Variants in QSER1 observed in about 807,000 individuals in gnomAD.
QSER1 encodes the protein glutamine and serine rich 1, also known as glutamine and serine-rich protein 1.
Under a neutral mutation model 158.5 loss-of-function variants are expected in QSER1, and 49 were observed. The ratio of observed to expected loss-of-function variants is 0.31; its 90% confidence interval spans 0.25 to 0.39. QSER1 has a LOEUF of 0.39. Among genes scored for constraint, QSER1 ranks in the 10% least tolerant of loss-of-function variants. The pLI, the probability that QSER1 is intolerant of heterozygous loss-of-function variation, is 1.00. For synonymous variants in QSER1, 650 were observed against 715.5 expected, an observed-to-expected ratio of 0.91 and a Z score of 1.46; for missense variants, 1,754 against 2,010.3, an observed-to-expected ratio of 0.87 and a Z score of 2.44.
chr11:32,952,810 T>TC (rs1399899500), intron 4 of QSER1, among the ~76,000 whole-genome samples: 1 of 151,434 alleles, frequency 6.6e-6, no homozygotes, highest in Non-Finnish European at 1.5e-5. Flanking sequence ...AGTCTTTTTT[T>TC]TTTTTTTTTT....
chr11:32,912,564 A>G (rs1851780511), intron 1 of QSER1, among the ~76,000 whole-genome samples: 1 of 152,100 alleles, frequency 6.6e-6, no homozygotes, highest in African/African-American at 2.4e-5. Flanking sequence ...CTGGATGTAT[A>G]TAGTTTGAAA....
intron 1 of QSER1, among the ~76,000 whole-genome samples, chr11:32,910,504 A>C (rs779639230): frequency 7.2e-5 from 11 of 152,214 alleles, no homozygotes; most frequent in Non-Finnish European, 1.5e-4. Context: ...TTGGCTAGAC[A>C]CTTGTATGCG....
chr11:32,970,213 G>C (rs1852826753), intron 10 of QSER1, among the ~76,000 whole-genome samples: 1 of 152,164 alleles, frequency 6.6e-6, no homozygotes. Context: ...ATGTAAAAGT[G>C]AGTATTGACT....
At position 32,954,166 on chromosome 11, in the gene QSER1, T is replaced by G; in HGVS notation, c.4487T>G (p.Ile1496Arg). The G allele has an allele frequency of 8.7e-6, 14 of 1,612,656 alleles. No homozygotes were observed. Among genetic ancestry groups the G allele is most frequent in the Non-Finnish European group, 1.1e-5 (13 of 1,179,666 alleles). The stretch of plus-strand genomic sequence containing the variant: ...GAATTTGTGGTAAAGATAGAAGACA[T>G]AGAGACTTTTAAGGTGATGTCAGTG... The part of the protein sequence containing the change: ...RDEFVVKIED[I>R]ETFKEALKTG... Residue 1496 changes from isoleucine to arginine, a missense_variant, in exon 5 of 13, where the codon ATA (isoleucine) becomes AGA (arginine). Around this residue, in one of 2 missense-constraint regions of QSER1, gnomAD observed 1,707 missense variants for 1,919.6 expected, o/e 0.89. Transcript: ENST00000650167.
At chr11:32,906,727 T>A (rs1165079846) in intron 1 of QSER1, among the ~76,000 whole-genome samples, 1 of 152,094 alleles carries the variant, frequency 6.6e-6, no homozygotes, top group East Asian at 1.9e-4. Context: ...ACAACACTTG[T>A]ACAGAAAATT....
At chr11:32,940,950 C>T (rs1243653472) in intron 4 of QSER1, among the ~76,000 whole-genome samples, 5 of 150,974 alleles carry the variant, frequency 3.3e-5, no homozygotes, top group Non-Finnish European at 7.4e-5. Context: ...CCCTTTATTC[C>T]TTGGGTATAA....
intron 4 of QSER1, among the ~76,000 whole-genome samples, chr11:32,947,370 T>G (rs974597337): frequency 6.6e-6 from 1 of 152,226 alleles, no homozygotes. Flanking sequence ...TTATAGATAT[T>G]CCACTTTTTA....
chr11:32,925,494 T>TTTTATTTATTTATTTATTTA (rs374397828), intron 1 of QSER1, among the ~76,000 whole-genome samples: 1 of 143,568 alleles, frequency 7.0e-6, no homozygotes, highest in Non-Finnish European at 1.5e-5. Context: ...TACATCGCTT[T>TTTTATTTATTTATTTATTTA]TTTATTTATT....
intron 8 of QSER1, among the ~76,000 whole-genome samples, chr11:32,963,725 G>A (rs974361818): frequency 1.3e-5 from 2 of 152,152 alleles, no homozygotes; most frequent in Non-Finnish European, 2.9e-5. Context: ...AGTGCATGGT[G>A]TAATCATAAT....
rs1277296841 is a variant in QSER1, at chr11:32,979,640, TTC to T, written c.*3168_*3169del. The stretch of plus-strand genomic sequence containing the variant: ...ATTACTTTGAAAATTCTAAACTTCT[TTC>T]TGTTTCCAAAACTTGAAAATATGTA... On this transcript the variant is annotated 3_prime_UTR_variant, in exon 13 of 13. Coordinates refer to ENST00000650167, the MANE Select transcript of QSER1 (RefSeq NM_001076786.3). 5 of 152,152 alleles carry T rather than the reference TTC, an allele frequency of 3.3e-5. No homozygotes were observed. Among genetic ancestry groups the T allele is most frequent in the South Asian group, 2.1e-4 (1 of 4,788 alleles). 9.4% of individuals were successfully genotyped at this position (152,152 alleles called of 1,614,324 possible). A position where few individuals can be genotyped will look rare whatever the true frequency, so the allele number is the denominator to read the frequency against.
intron 1 of QSER1, among the ~76,000 whole-genome samples, chr11:32,920,422 C>T (rs555076173): frequency 2.7e-4 from 41 of 152,156 alleles, no homozygotes; most frequent in African/African-American, 9.4e-4. Context: ...CTAAAAAACT[C>T]TTAGAGAAAA....
chr11:32,958,657 C>T lies in QSER1; in HGVS notation c.4969+571C>T, dbSNP rs1221055380. On this transcript the variant is annotated intron_variant, in intron 8 of 12. Coordinates refer to ENST00000650167, the MANE Select transcript of QSER1 (RefSeq NM_001076786.3). The stretch of plus-strand genomic sequence containing the variant: ...TTAGCCTCCCAAAGTGCTGGGATTA[C>T]GGGCATGAGCCACTGCGCCCCACCT... Among the ~76,000 whole-genome samples, 10 of 152,224 alleles carry T rather than the reference C, an allele frequency of 6.6e-5. No homozygotes were observed. The South Asian group carries it at 1.0e-3, about 16-fold the overall frequency.
rs1174660658 is a variant in QSER1, at chr11:32,893,647, T to C, written c.209+313T>C. ...TTTGGGCTCGTGGCTGAACTCGGGATCTGTGAGACCCAGGATTGGCGCCGG... is the reference window on the plus strand; with the variant it reads ...TTTGGGCTCGTGGCTGAACTCGGGACCTGTGAGACCCAGGATTGGCGCCGG... On this transcript the variant is annotated intron_variant, in intron 1 of 12. Transcript: ENST00000650167. This position sits in a 1 kb window ranked among gnomAD's most constrained non-coding sequence, Gnocchi z 4.7. 6.6e-6 allele frequency among the ~76,000 whole-genome samples: 1 copy of C among 152,070 alleles called. No homozygotes were observed. Among genetic ancestry groups the C allele is most frequent in the Non-Finnish European group, 1.5e-5 (1 of 68,000 alleles).
chr11:32,899,427 C>G (rs984086236), intron 1 of QSER1, among the ~76,000 whole-genome samples: 1 of 152,174 alleles, frequency 6.6e-6, no homozygotes, highest in African/African-American at 2.4e-5. Flanking sequence ...GGTATGTTCT[C>G]TGGAACAATG....
chr11:32,954,720 A>G (rs975829252), intron 5 of QSER1, among the ~76,000 whole-genome samples: 1 of 152,110 alleles, frequency 6.6e-6, no homozygotes, highest in Non-Finnish European at 1.5e-5. Flanking sequence ...GGATCATGCT[A>G]TGTTGACCAG....
At chr11:32,905,193 G>C (rs1274374012) in intron 1 of QSER1, among the ~76,000 whole-genome samples, 1 of 152,182 alleles carries the variant, frequency 6.6e-6, no homozygotes, top group African/African-American at 2.4e-5. Flanking sequence ...ATGGCCTAAT[G>C]CCATCATTCT....
intron 1 of QSER1, among the ~76,000 whole-genome samples, chr11:32,897,128 AATAC>A (rs998472381): frequency 3.3e-5 from 5 of 152,218 alleles, no homozygotes; most frequent in African/African-American, 9.6e-5. Flanking sequence ...TGAATAAATG[AATAC>A]ATACATTCAT....
In QSER1 at chr11:32,977,062, G is replaced by A. The variant is rs898717491; in HGVS notation, c.*588G>A. The A allele has an allele frequency of 1.3e-5, 2 of 152,520 alleles. No homozygotes were observed. The highest frequency in any genetic ancestry group is 4.8e-5 in the African/African-American group (2 of 41,416). The allele number at this position is 152,520 out of a possible 1,614,324, so 9.4% of individuals were successfully genotyped here. A position where few individuals can be genotyped will look rare whatever the true frequency, so the allele number is the denominator to read the frequency against. On this transcript the variant is annotated 3_prime_UTR_variant, in exon 13 of 13. Transcript: ENST00000650167. Reference sequence around the variant, plus strand: ...GTTCAGGAAACTGGATGTGGAATTGGTGCAATTCTCTGACTGCTTTTTGTG... The same window carrying A: ...GTTCAGGAAACTGGATGTGGAATTGATGCAATTCTCTGACTGCTTTTTGTG...
intron 1 of QSER1, among the ~76,000 whole-genome samples, chr11:32,908,311 T>G (rs1851719865): frequency 6.6e-6 from 1 of 152,214 alleles, no homozygotes; most frequent in Admixed American, 6.5e-5. Flanking sequence ...ATATGCCATA[T>G]CACCATCACA....
Sources: allele counts gnomAD v4.1 joint callset (sites outside exome capture counted in the v4.1 genomes callset), GRCh38; gene constraint gnomAD v4.1.1; regional missense constraint gnomAD v4.1.1; non-coding constraint Gnocchi (gnomAD v3.1); transcripts MANE v1.5; gene names NCBI Gene and HGNC (gene_info 2026-07-23, HGNC 2026-07-21).